Variants in NKAIN2 observed in about 807,000 individuals in gnomAD.
NKAIN2 encodes sodium/potassium-transporting ATPase subunit beta-1-interacting protein 2.
NKAIN2 carries 14 observed loss-of-function variants against 32.6 expected under a neutral mutation model. That is an observed-to-expected ratio of 0.43 (90% CI 0.28 to 0.67). The LOEUF (loss-of-function observed/expected upper bound fraction) is 0.67. Ranked by LOEUF, NKAIN2 falls within the 30% of genes least tolerant of loss-of-function variation. NKAIN2 has a pLI of 0.17. For missense variants in NKAIN2, 198 were observed against 258.3 expected (o/e 0.77, Z 1.60); for synonymous variants, 80 against 87.2 (o/e 0.92, Z 0.46).
At chr6:124,359,018 A>G (rs1358320783) in intron 3 of NKAIN2, among the ~76,000 whole-genome samples, 1 of 151,812 alleles carries the variant, frequency 6.6e-6, no homozygotes, top group Non-Finnish European at 1.5e-5. Flanking sequence ...AGCACCATTT[A>G]TTAAATAGGG....
intron 1 of NKAIN2, among the ~76,000 whole-genome samples, chr6:124,234,815 G>C (rs566614817): frequency 6.6e-6 from 1 of 152,056 alleles, no homozygotes; most frequent in Non-Finnish European, 1.5e-5. Context: ...AAGTTGTATC[G>C]ATACTTTGTT....
At chr6:123,817,528 G>C (rs540807598) in intron 1 of NKAIN2, among the ~76,000 whole-genome samples, 1 of 152,202 alleles carries the variant, frequency 6.6e-6, no homozygotes, top group Non-Finnish European at 1.5e-5. Context: ...GACCAGACTG[G>C]AGCCTGACGG....
intron 1 of NKAIN2, among the ~76,000 whole-genome samples, chr6:123,873,129 T>C (rs975052261): frequency 6.6e-6 from 1 of 152,038 alleles, no homozygotes; most frequent in African/African-American, 2.4e-5. Context: ...TAGTGATAAA[T>C]ACTGTAAAGA....
At chr6:123,909,880 A>G (rs34743594) in intron 1 of NKAIN2, among the ~76,000 whole-genome samples, 47,665 of 151,782 alleles carry the variant, frequency 0.31, 8,160 homozygotes, top group East Asian at 0.5. Context: ...TTAGCACGTA[A>G]GTGTGCAATA....
intron 1 of NKAIN2, among the ~76,000 whole-genome samples, chr6:124,014,851 C>T (rs1054501209): frequency 6.6e-6 from 1 of 152,068 alleles, no homozygotes; most frequent in Non-Finnish European, 1.5e-5. Flanking sequence ...TTTTGAAAGG[C>T]TACATATTAT....
intron 3 of NKAIN2, among the ~76,000 whole-genome samples, chr6:124,573,312 G>T (rs750130937): frequency 4.6e-5 from 7 of 152,026 alleles, no homozygotes; most frequent in Non-Finnish European, 7.4e-5. Context: ...TCCTATTGGG[G>T]TGGTGGAACC....
chr6:124,424,175 A>G (rs1774879427), intron 3 of NKAIN2, among the ~76,000 whole-genome samples: 1 of 151,900 alleles, frequency 6.6e-6, no homozygotes, highest in Admixed American at 6.6e-5. Flanking sequence ...TTGTATTTTT[A>G]GTAGAGACGG....
chr6:123,924,030 A>G (rs767978699), intron 1 of NKAIN2, among the ~76,000 whole-genome samples: 5 of 152,136 alleles, frequency 3.3e-5, no homozygotes, highest in Non-Finnish European at 7.3e-5. Context: ...AGGAATCTTT[A>G]AAAATATGAA....
chr6:124,602,139 A>G (rs1782330719), intron 3 of NKAIN2, among the ~76,000 whole-genome samples: 1 of 151,976 alleles, frequency 6.6e-6, no homozygotes, highest in Non-Finnish European at 1.5e-5. Flanking sequence ...TGTTGGATGG[A>G]TTAATGAATA....
intron 2 of NKAIN2, among the ~76,000 whole-genome samples, chr6:124,295,575 T>C (rs909597201): frequency 6.6e-6 from 1 of 152,020 alleles, no homozygotes; most frequent in Non-Finnish European, 1.5e-5. Flanking sequence ...AGGAAGGAGA[T>C]TAAAAAACAT....
intron 1 of NKAIN2, among the ~76,000 whole-genome samples, chr6:123,819,630 C>T (rs1334333177): frequency 1.3e-5 from 2 of 152,148 alleles, no homozygotes; most frequent in Admixed American, 1.3e-4. Flanking sequence ...AAGAACAGCT[C>T]CCAATTAAAG....
chr6:123,877,256 C>A (rs1773211219), intron 1 of NKAIN2, among the ~76,000 whole-genome samples: 1 of 152,002 alleles, frequency 6.6e-6, no homozygotes, highest in Admixed American at 6.6e-5. Flanking sequence ...TTATTAAATG[C>A]CTTTTTAGTT....
At chr6:124,192,851 G>T (rs1170909256) in intron 1 of NKAIN2, among the ~76,000 whole-genome samples, 1 of 142,882 alleles carries the variant, frequency 7.0e-6, no homozygotes. Flanking sequence ...CCGGGTTCAC[G>T]CCATTCTCCT....
At chr6:124,311,968 A>G (rs1583030714) in intron 2 of NKAIN2, among the ~76,000 whole-genome samples, 1 of 152,184 alleles carries the variant, frequency 6.6e-6, no homozygotes, top group Admixed American at 6.5e-5. Flanking sequence ...AACAGGATTG[A>G]CCACTGTTAA....
chr6:124,352,696 G>A (rs1337801077), intron 2 of NKAIN2, among the ~76,000 whole-genome samples: 1 of 152,160 alleles, frequency 6.6e-6, no homozygotes, highest in Non-Finnish European at 1.5e-5. Context: ...TGTGCACAAA[G>A]GAAGTGATAA....
intron 1 of NKAIN2, among the ~76,000 whole-genome samples, chr6:123,977,557 A>G (rs562697073): frequency 6.6e-6 from 1 of 152,294 alleles, no homozygotes; most frequent in African/African-American, 2.4e-5. Context: ...GTTGTGAGAT[A>G]TATCTCATTT....
At chr6:124,054,863 T>G (rs1782577846) in intron 1 of NKAIN2, among the ~76,000 whole-genome samples, 1 of 152,036 alleles carries the variant, frequency 6.6e-6, no homozygotes, top group African/African-American at 2.4e-5. Context: ...CTGGCTTGGT[T>G]AGATTAATCA....
intron 1 of NKAIN2, among the ~76,000 whole-genome samples, chr6:124,108,516 T>C (rs1343702838): frequency 6.6e-6 from 1 of 152,078 alleles, no homozygotes; most frequent in Non-Finnish European, 1.5e-5. Context: ...GATTATTTCC[T>C]CTGTTCTGCA....
intron 3 of NKAIN2, among the ~76,000 whole-genome samples, chr6:124,429,586 A>G (rs1194656971): frequency 6.6e-6 from 1 of 152,110 alleles, no homozygotes; most frequent in Non-Finnish European, 1.5e-5. Flanking sequence ...TCTTTGTATC[A>G]TTGGTGCTAA....
Sources: gnomAD v4.1 joint callset for allele counts (sites outside exome capture counted in the v4.1 genomes callset) on GRCh38, gnomAD v4.1.1 for gene constraint, MANE v1.5 for transcripts, NCBI Gene and HGNC (gene_info 2026-07-23, HGNC 2026-07-21) for gene names.